The following HEPHL1 variants were observed in gnomAD, a reference collection of about 807,000 sequenced individuals.
The protein encoded by HEPHL1 is hephaestin like 1.
Under a neutral mutation model 122.0 loss-of-function variants are expected in HEPHL1, and 123 were observed. That is an observed-to-expected ratio of 1.01 (90% CI 0.87 to 1.17). The LOEUF is 1.17. Among genes scored for constraint, HEPHL1 ranks in the 50% most tolerant of loss-of-function variants. The pLI is 0.00. For missense variants in HEPHL1, 1,452 were observed against 1,430.5 expected (o/e 1.01, Z -0.24); for synonymous variants, 527 against 508.9 (o/e 1.04, Z -0.48).
chr11:94,096,379 TC>T (rs1302018569), intron 13 of HEPHL1, among the ~76,000 whole-genome samples: 2 of 152,214 alleles, frequency 1.3e-5, no homozygotes, highest in African/African-American at 4.8e-5. Context: ...GCCCACTTGA[TC>T]ATGGTGGATA....
chr11:94,090,980 C>A (rs1946260235), intron 12 of HEPHL1, among the ~76,000 whole-genome samples: 1 of 152,242 alleles, frequency 6.6e-6, no homozygotes, highest in East Asian at 1.9e-4. Context: ...GAAGTTTATG[C>A]AGTGGGAGGA....
chr11:94,045,677 G>GC lies in HEPHL1; in HGVS notation c.176dup (p.Thr60AsnfsTer51). On this transcript the variant is annotated frameshift_variant, in exon 2 of 20. Coordinates refer to ENST00000315765, the MANE Select transcript of HEPHL1 (RefSeq NM_001098672.2). LOFTEE classifies it high-confidence loss of function. ...TGTTTTTCTTCTTACTTTTAGACTT[G>GC]CAACCTTATTTCTCGAAAGAGGGCC... 5.6e-6 allele frequency: 9 copies of GC among 1,599,902 alleles called. No homozygotes were observed. The highest frequency in any genetic ancestry group is 7.7e-6 in the Non-Finnish European group (9 of 1,173,088).
At chr11:94,037,528 G>C (rs921381570) in intron 1 of HEPHL1, among the ~76,000 whole-genome samples, 15 of 152,190 alleles carry the variant, frequency 9.9e-5, no homozygotes, top group South Asian at 2.1e-4. Flanking sequence ...ATCTGAGAAC[G>C]GGCAGACTGC....
chr11:94,098,867 G>T (rs886498620), intron 13 of HEPHL1, among the ~76,000 whole-genome samples: 6 of 152,148 alleles, frequency 3.9e-5, no homozygotes, highest in Non-Finnish European at 7.3e-5. Flanking sequence ...GCTCTATCAG[G>T]TCATTTAAGG....
At chr11:94,043,210 A>G (rs1311038588) in intron 1 of HEPHL1, among the ~76,000 whole-genome samples, 1 of 152,180 alleles carries the variant, frequency 6.6e-6, no homozygotes, top group South Asian at 2.1e-4. Flanking sequence ...AACAAGTAGG[A>G]GTTGATTAGA....
At chr11:94,087,999 T>C (rs1310331204) in intron 11 of HEPHL1, among the ~76,000 whole-genome samples, 1 of 152,234 alleles carries the variant, frequency 6.6e-6, no homozygotes, top group Non-Finnish European at 1.5e-5. Context: ...TGATCCAATA[T>C]TTTCATTGAG....
intron 2 of HEPHL1, among the ~76,000 whole-genome samples, chr11:94,056,632 T>TC (rs1253071234): frequency 1.2e-5 from 1 of 84,842 alleles, no homozygotes; most frequent in Admixed American, 1.5e-4. Flanking sequence ...CTCCATTCTC[T>TC]CCCCCTCCTT....
intron 12 of HEPHL1, among the ~76,000 whole-genome samples, chr11:94,091,325 A>G (rs1204572072): frequency 6.6e-6 from 1 of 152,200 alleles, no homozygotes; most frequent in East Asian, 1.9e-4. Flanking sequence ...TGACCCTCAT[A>G]TCAATTCCAT....
At chr11:94,072,963 A>T in intron 6 of HEPHL1, 62 bp from the exon 7 acceptor site, 4 of 1,491,946 alleles carry the variant, frequency 2.7e-6, no homozygotes, top group Non-Finnish European at 3.7e-6. Context: ...GAAGTTCTAT[A>T]ATTAAAGTAT....
At chr11:94,066,969 A>G (rs149625166) in intron 4 of HEPHL1, among the ~76,000 whole-genome samples, 274 of 152,354 alleles carry the variant, frequency 1.8e-3, no homozygotes, top group African/African-American at 6.1e-3. Flanking sequence ...CAAACAAAAC[A>G]GTTCTCATAA....
intron 9 of HEPHL1, among the ~76,000 whole-genome samples, chr11:94,075,842 C>T (rs1946118817): frequency 6.6e-6 from 1 of 152,074 alleles, no homozygotes; most frequent in East Asian, 1.9e-4. Context: ...TGACCCACAA[C>T]TGTAAAATGA....
At chr11:94,090,044 T>C (rs1443950272) in intron 12 of HEPHL1, among the ~76,000 whole-genome samples, 3 of 152,188 alleles carry the variant, frequency 2.0e-5, no homozygotes, top group Admixed American at 1.3e-4. Flanking sequence ...TTCTTATTTA[T>C]TGGCCTTTGT....
At position 94,086,102 on chromosome 11, in the gene HEPHL1, A is replaced by G. The variant is rs1242564031; in HGVS notation, c.1993A>G (p.Thr665Ala). ...GCATGGAATTGTTTTTCAAGGGAAC[A>G]CCATCCACCTACGAGGGACTCACCG... Reference protein sequence around the residue: ...DMHGIVFQGNTIHLRGTHRDS... With the variant: ...DMHGIVFQGNAIHLRGTHRDS... The change falls in exon 11 of 20, where the codon ACC (threonine) becomes GCC (alanine). Residue 665 changes from threonine to alanine, a missense_variant. Coordinates refer to ENST00000315765, the MANE Select transcript of HEPHL1 (RefSeq NM_001098672.2). The G allele has an allele frequency of 2.5e-6, 4 of 1,613,696 alleles. No homozygotes were observed. Among genetic ancestry groups the G allele is most frequent in the Non-Finnish European group, 3.4e-6 (4 of 1,179,864 alleles).
intron 2 of HEPHL1, among the ~76,000 whole-genome samples, 174 bp downstream of exon 2, chr11:94,046,091 CTTTT>C (rs755367459): frequency 6.1e-5 from 4 of 65,048 alleles, no homozygotes; most frequent in Admixed American, 3.0e-4. Context: ...CCCTTTCTTG[CTTTT>C]TTTTTTTTTT....
At chr11:94,071,532 T>A (rs1208864918) in intron 6 of HEPHL1, among the ~76,000 whole-genome samples, 1 of 152,172 alleles carries the variant, frequency 6.6e-6, no homozygotes, top group African/African-American at 2.4e-5. Flanking sequence ...TCTAGAATTC[T>A]GAAGTGCCTT....
chr11:94,059,819 T>A (rs1233144208), intron 2 of HEPHL1, among the ~76,000 whole-genome samples: 2 of 152,140 alleles, frequency 1.3e-5, no homozygotes, highest in South Asian at 4.2e-4. Context: ...TAACTCCTAA[T>A]AATAATAAAA....
intron 1 of HEPHL1, among the ~76,000 whole-genome samples, chr11:94,027,254 C>A (rs1945633387): frequency 6.6e-6 from 1 of 152,200 alleles, no homozygotes; most frequent in African/African-American, 2.4e-5. Flanking sequence ...CCAGGATGAT[C>A]TCCCCATCTC....
chr11:94,096,204 A>G (rs906107485), intron 13 of HEPHL1, among the ~76,000 whole-genome samples: 15 of 152,136 alleles, frequency 9.9e-5, no homozygotes, highest in Admixed American at 3.3e-4. Context: ...ATGAATACCT[A>G]ATTTATTGAG....
At chr11:94,084,337 T>TAAAC (rs1946198775) in intron 10 of HEPHL1, among the ~76,000 whole-genome samples, 1 of 14,766 alleles carries the variant, frequency 6.8e-5, no homozygotes, top group African/African-American at 4.2e-4. Flanking sequence ...TCTCTCTGTT[T>TAAAC]AAATAAATAA....
Sources: allele counts gnomAD v4.1 joint callset (sites outside exome capture counted in the v4.1 genomes callset), GRCh38; gene constraint gnomAD v4.1.1; transcripts MANE v1.5; gene names NCBI Gene and HGNC (gene_info 2026-07-23, HGNC 2026-07-21).